Variants in SLC22A14 observed in about 807,000 individuals in gnomAD.
SLC22A14 encodes the protein solute carrier family 22 member 14.
Under a neutral mutation model 53.9 loss-of-function variants are expected in SLC22A14, and 50 were observed. The observed-to-expected ratio is 0.93, with a 90% confidence interval of 0.74 to 1.17. SLC22A14 has a LOEUF of 1.17. Ranked by LOEUF, SLC22A14 falls within the 50% of genes most tolerant of loss-of-function variation. SLC22A14 has a pLI of 0.00. For synonymous variants in SLC22A14, 312 were observed against 303.0 expected (o/e 1.03, Z -0.31); for missense variants, 671 against 734.7 (o/e 0.91, Z 1.00).
chr3:38,290,636 A>G (rs1363631049), intron 1 of SLC22A14, among the ~76,000 whole-genome samples: 1 of 152,224 alleles, frequency 6.6e-6, no homozygotes, highest in Non-Finnish European at 1.5e-5. Context: ...AAGGATTTTA[A>G]GTAATTTTCA....
chr3:38,306,323 T>C lies in SLC22A14; in HGVS notation c.297T>C (p.Asn99=). Reference sequence around the variant, plus strand: ...TCACAGCCCAGAAGCCCTATTGCAATACCAGCTGGATCCTGGCAGTGGGCC... The same window carrying C: ...TCACAGCCCAGAAGCCCTATTGCAACACCAGCTGGATCCTGGCAGTGGGCC... ...FVFTAQKPYC[N]TSWILAVGPH... Residue 99 remains asparagine (N), a synonymous_variant, in exon 2 of 11, where the codon AAT becomes AAC. Transcript: ENST00000448498. 6.2e-7 allele frequency: 1 copy of C among 1,614,046 alleles called. No individual in the cohort carries two copies. The highest frequency in any genetic ancestry group is 8.5e-7 in the Non-Finnish European group (1 of 1,179,954).
In SLC22A14 at chr3:38,309,045, C is replaced by A. The variant is rs769090429; in HGVS notation, c.867C>A (p.Ile289=). 3.1e-6 allele frequency: 5 copies of A among 1,613,898 alleles called. No homozygotes were observed. Among genetic ancestry groups the A allele is most frequent in the East Asian group, 2.2e-5 (1 of 44,886 alleles). ...FAVGAVLLTG[I]AYSLPHWQLL... is the part of the protein sequence containing the mutation. ...TTGGGGCCGTGTTGCTGACAGGGAT[C>A]GCCTACAGTCTTCCCCACTGGCAGC... The change falls in exon 5 of 11, where the codon ATC becomes ATA. Residue 289 remains isoleucine (I), a synonymous_variant. Transcript: ENST00000448498.
intron 1 of SLC22A14, among the ~76,000 whole-genome samples, chr3:38,304,825 T>C (rs961082590): frequency 6.6e-6 from 1 of 152,372 alleles, no homozygotes; most frequent in African/African-American, 2.4e-5. Flanking sequence ...TCTAAGAATT[T>C]GTTTTAAAAG....
At chr3:38,281,277 AT>A (rs201589944), upstream of SLC22A14, among the ~76,000 whole-genome samples, 1,246 of 151,990 alleles carry the variant, frequency 8.2e-3, 11 homozygotes, top group Middle Eastern at 0.017. Context: ...TCAATACTTC[AT>A]TTTTTTTCAA....
chr3:38,280,148 C>T (rs990426164), upstream of SLC22A14, among the ~76,000 whole-genome samples: 10 of 152,176 alleles, frequency 6.6e-5, no homozygotes, highest in African/African-American at 1.9e-4. Context: ...AAGAGAACTG[C>T]GCATGCTGGA....
intron 1 of SLC22A14, among the ~76,000 whole-genome samples, chr3:38,294,516 T>C (rs548740296): frequency 3.3e-5 from 5 of 152,182 alleles, no homozygotes; most frequent in Admixed American, 3.3e-4. Flanking sequence ...CCAGAATACA[T>C]CTTAGGGTTG....
Position 38,315,624 on chromosome 3 carries a change from T to C in SLC22A14, c.1445T>C (p.Leu482Ser). Residue 482 changes from leucine to serine, a missense_variant, in exon 9 of 11, where the codon TTG becomes TCG. Leu to Ser is a moderately radical substitution (Grantham distance 145). Transcript: ENST00000448498. ...PATELKSMTILVLMLREFSLA... is the reference protein window; with the variant it reads ...PATELKSMTISVLMLREFSLA... ...ACAGAGCTGAAATCCATGACGATCT[T>C]GGTGCTCATGCTCAGAGAGTTCAGC... 6.2e-7 allele frequency: 1 copy of C among 1,614,138 alleles called. No individual in the cohort carries two copies. The highest frequency in any genetic ancestry group is 8.5e-7 in the Non-Finnish European group (1 of 1,180,004).
chr3:38,314,015 C>T lies in SLC22A14; in HGVS notation c.1378+74C>T, dbSNP rs1016087200. ...CAAAACCCCTCCCCAGTGCCGCCTG[C>T]CACGGCCGGCCACCTAGACACCCTG... On this transcript the variant is annotated intron_variant, in intron 8 of 10. Coordinates refer to ENST00000448498, the MANE Select transcript of SLC22A14 (RefSeq NM_001320033.2). 6 of 1,282,224 alleles carry T rather than the reference C, an allele frequency of 4.7e-6. No individual in the cohort carries two copies. The African/African-American group carries it at 8.7e-5, about 19-fold the overall frequency. 79.4% of individuals were successfully genotyped at this position (1,282,224 alleles called of 1,614,324 possible).
At chr3:38,302,158 C>T (rs1704174377) in intron 1 of SLC22A14, among the ~76,000 whole-genome samples, 1 of 149,438 alleles carries the variant, frequency 6.7e-6, no homozygotes, top group Non-Finnish European at 1.5e-5. Context: ...TGCTTAAATC[C>T]AGGAGGCGGA....
At chr3:38,287,664 A>T (rs1703822311) in intron 1 of SLC22A14, among the ~76,000 whole-genome samples, 1 of 152,140 alleles carries the variant, frequency 6.6e-6, no homozygotes, top group Non-Finnish European at 1.5e-5. Context: ...CATTCTTATT[A>T]TTCTTCAGAA....
At chr3:38,291,219 C>T (rs183456585) in intron 1 of SLC22A14, among the ~76,000 whole-genome samples, 92 of 152,220 alleles carry the variant, frequency 6.0e-4, no homozygotes, top group African/African-American at 2.0e-3. Flanking sequence ...TTTCGAAGTC[C>T]TTTTTCTACA....
intron 9 of SLC22A14, 22 bp downstream of exon 9, chr3:38,315,733 G>A: frequency 6.2e-7 from 1 of 1,605,086 alleles, no homozygotes; most frequent in Non-Finnish European, 8.5e-7. Flanking sequence ...GGTGGGCGAG[G>A]GGGCCATGGG....
At position 38,307,532 on chromosome 3, in the gene SLC22A14, G is replaced by T; in HGVS notation, c.621-34G>T. The T allele has an allele frequency of 6.2e-7, 1 of 1,608,104 alleles. No homozygotes were observed. The highest frequency in any genetic ancestry group is 8.5e-7 in the Non-Finnish European group (1 of 1,176,790). The stretch of plus-strand genomic sequence containing the variant: ...GGCTGGGGCCAGCCCGGGAGATCCC[G>T]GCACTTGGTGCAGCCTCCCTTTGAC... On this transcript the variant is annotated intron_variant, in intron 3 of 10. Transcript: ENST00000448498. This position sits in a 1 kb window ranked among gnomAD's most constrained non-coding sequence, Gnocchi z 4.4.
chr3:38,312,896 C>G, intron 5 of SLC22A14, 103 bp from the exon 6 acceptor site: 1 of 1,466,550 alleles, frequency 6.8e-7, no homozygotes. Context: ...TCTGAATCAC[C>G]TCATGCTGGC....
At chr3:38,314,523 C>G (rs1704570277) in intron 8 of SLC22A14, among the ~76,000 whole-genome samples, 3 of 152,324 alleles carry the variant, frequency 2.0e-5, no homozygotes, top group Middle Eastern at 3.4e-3. Flanking sequence ...TCTTCAGAAT[C>G]TCAAAGAGCC....
chr3:38,318,278 G>A lies in SLC22A14; in HGVS notation c.*29G>A. On this transcript the variant is annotated 3_prime_UTR_variant, in exon 11 of 11. Coordinates refer to ENST00000448498, the MANE Select transcript of SLC22A14 (RefSeq NM_001320033.2). ...AGCGGCCAAGAATGTCATTCTCAATGCCCAGATCCTGAGATTGGACCCATA... is the reference window on the plus strand; with the variant it reads ...AGCGGCCAAGAATGTCATTCTCAATACCCAGATCCTGAGATTGGACCCATA... 2 of 1,601,310 alleles carry A rather than the reference G, an allele frequency of 1.2e-6. No individual in the cohort carries two copies. Among genetic ancestry groups the A allele is most frequent in the Non-Finnish European group, 8.6e-7 (1 of 1,168,302 alleles).
chr3:38,315,193 C>T (rs951859263), intron 8 of SLC22A14, among the ~76,000 whole-genome samples: 9 of 152,270 alleles, frequency 5.9e-5, no homozygotes, highest in Non-Finnish European at 1.3e-4. Flanking sequence ...GCAGGGGTCC[C>T]AACCCACAGG....
chr3:38,302,850 T>C (rs1012456858), intron 1 of SLC22A14, among the ~76,000 whole-genome samples: 1 of 152,146 alleles, frequency 6.6e-6, no homozygotes, highest in Non-Finnish European at 1.5e-5. Flanking sequence ...TGTTTGCCTA[T>C]TCCCTGAAAA....
intron 1 of SLC22A14, among the ~76,000 whole-genome samples, chr3:38,285,313 C>T (rs1703768173): frequency 6.6e-6 from 1 of 152,110 alleles, no homozygotes; most frequent in Admixed American, 6.5e-5. Context: ...GGTCCTTGGG[C>T]ACAATATTTT....
Sources: gnomAD v4.1 joint callset for allele counts (sites outside exome capture counted in the v4.1 genomes callset) on GRCh38, gnomAD v4.1.1 for gene constraint, Gnocchi (gnomAD v3.1) non-coding constraint, MANE v1.5 for transcripts, NCBI Gene and HGNC (gene_info 2026-07-23, HGNC 2026-07-21) for gene names.